Variants in ACO2 observed in about 807,000 individuals in gnomAD.
The protein encoded by ACO2 is aconitase 2.
Under a neutral mutation model 84.5 loss-of-function variants are expected in ACO2, and 31 were observed. The ratio of observed to expected loss-of-function variants is 0.37; its 90% confidence interval spans 0.28 to 0.50. The LOEUF (loss-of-function observed/expected upper bound fraction) is 0.50. Ranked by LOEUF, ACO2 falls within the 20% of genes least tolerant of loss-of-function variation. The pLI is 0.97. For missense variants in ACO2, 685 were observed against 1,029.3 expected, an observed-to-expected ratio of 0.67 and a Z score of 4.58; for synonymous variants, 414 against 412.7, an observed-to-expected ratio of 1.00 and a Z score of -0.04.
intron 1 of ACO2, among the ~76,000 whole-genome samples, chr22:41,496,670 G>T (rs1288509435): frequency 6.6e-6 from 1 of 152,286 alleles, no homozygotes; most frequent in Middle Eastern, 3.4e-3. Context: ...CACTGTGGAA[G>T]GTCCTTTGAT....
At position 41,474,289 on chromosome 22, in the gene ACO2, A is replaced by ATT. The variant is rs755814518; in HGVS notation, c.36+5128_36+5129dup. 1.0e-3 allele frequency among the ~76,000 whole-genome samples: 122 copies of ATT among 119,132 alleles called. 1 individual carries two copies. Among genetic ancestry groups the ATT allele is most frequent in the East Asian group, 3.3e-3 (12 of 3,676 alleles). The allele number at this position is 119,132 out of a possible 152,430, so 78.2% of individuals were successfully genotyped here. On this transcript the variant is annotated intron_variant, in intron 1 of 17. Coordinates refer to ENST00000216254, the MANE Select transcript of ACO2 (RefSeq NM_001098.3). ...ATTCAGTGGTCGTGTGTTTGCAGTC[A>ATT]TTTTTTTTTTTTTTTTTTTTTTGAG...
chr22:41,523,817 T>C lies in ACO2; in HGVS notation c.1371-13T>C. The C allele has an allele frequency of 6.2e-7, 1 of 1,609,922 alleles. No homozygotes were observed. Among genetic ancestry groups the C allele is most frequent in the Non-Finnish European group, 8.5e-7 (1 of 1,178,128 alleles). ...GCCAGATATCCCTAACCCTGATCCCTCTGACCTGGCAGGAAGGACATCAAG... is the reference window on the plus strand; with the variant it reads ...GCCAGATATCCCTAACCCTGATCCCCCTGACCTGGCAGGAAGGACATCAAG... On this transcript the variant is annotated splice_polypyrimidine_tract_variant and intron_variant, in intron 11 of 17. Coordinates refer to ENST00000216254, the MANE Select transcript of ACO2 (RefSeq NM_001098.3).
At chr22:41,523,740 C>A in intron 11 of ACO2, 90 bp from the exon 12 acceptor site, 1 of 1,204,428 alleles carries the variant, frequency 8.3e-7, no homozygotes, top group Non-Finnish European at 1.2e-6. Flanking sequence ...CTAGGCTGGG[C>A]TGCGCCACAG....
intron 1 of ACO2, among the ~76,000 whole-genome samples, chr22:41,497,770 C>G (rs1487550475): frequency 6.6e-6 from 1 of 151,910 alleles, no homozygotes; most frequent in Non-Finnish European, 1.5e-5. Flanking sequence ...GTAGTCCCAG[C>G]TACTTGGGAG....
In ACO2 at chr22:41,523,866, C is replaced by G. The variant is rs770099780; in HGVS notation, c.1407C>G (p.Val469=). ...DIKKGEKNTI[V]TSYNRNFTGR... ...AGAAGGGGGAGAAGAACACAATCGT[C>G]ACCTCCTACAACAGGAACTTCACGG... Residue 469 remains valine (V), a synonymous_variant, in exon 12 of 18, where the codon GTC becomes GTG. Coordinates refer to ENST00000216254, the MANE Select transcript of ACO2 (RefSeq NM_001098.3). 1 of 1,612,304 alleles carries G rather than the reference C, an allele frequency of 6.2e-7. No individual in the cohort carries two copies. The highest frequency in any genetic ancestry group is 8.5e-7 in the Non-Finnish European group (1 of 1,180,016).
intron 1 of ACO2, among the ~76,000 whole-genome samples, chr22:41,474,769 T>A (rs1016172111): frequency 2.6e-5 from 4 of 151,104 alleles, no homozygotes; most frequent in Admixed American, 1.3e-4. Flanking sequence ...TGGCTAATTT[T>A]TTTTTGTATT....
chr22:41,513,415 G>A (rs945064101), intron 4 of ACO2, among the ~76,000 whole-genome samples: 4 of 152,212 alleles, frequency 2.6e-5, no homozygotes, highest in African/African-American at 4.8e-5. Context: ...TTGATGTCAC[G>A]TCTTCAGCAG....
At position 41,499,751 on chromosome 22, in the gene ACO2, A is replaced by G. The variant is rs1331786933; in HGVS notation, c.62A>G (p.His21Arg). 2 of 1,613,508 alleles carry G rather than the reference A, an allele frequency of 1.2e-6. No individual in the cohort carries two copies. The highest frequency in any genetic ancestry group is 1.1e-5 in the South Asian group (1 of 91,072). The change falls in exon 2 of 18, where the codon CAT (histidine) becomes CGT (arginine). Residue 21 changes from histidine to arginine, a missense_variant. Physicochemically the swap from His to Arg is conservative, Grantham distance 29. Around this residue, in one of 5 missense-constraint regions of ACO2, gnomAD observed 98 missense variants for 107.6 expected, o/e 0.91. Transcript: ENST00000216254. ...LQKALGVRQY[H>R]VASVLCQRAK... is the part of the protein sequence containing the mutation. ...AAAGCTCTGGGTGTGCGGCAGTACC[A>G]TGTGGCCTCAGTCCTGTGCCAACGG...
At chr22:41,527,606 G>C in intron 16 of ACO2, 186 bp downstream of exon 16, 1 of 891,428 alleles carries the variant, frequency 1.1e-6, no homozygotes, top group Non-Finnish European at 1.7e-6. Context: ...CCGGCTTCCC[G>C]CAGGCCCTGC....
intron 1 of ACO2, among the ~76,000 whole-genome samples, chr22:41,499,115 A>T (rs1236912023): frequency 1.3e-5 from 2 of 150,848 alleles, no homozygotes; most frequent in Non-Finnish European, 3.0e-5. Context: ...AAAGGAAGGG[A>T]ATTAGGCACC....
At chr22:41,477,129 A>ATTATTTATTTATTTAT (rs141758153) in intron 1 of ACO2, among the ~76,000 whole-genome samples, 1 of 145,720 alleles carries the variant, frequency 6.9e-6, no homozygotes, top group African/African-American at 2.6e-5. Context: ...TGGTTTCCAT[A>ATTATTTATTTATTTAT]TTATTTATTT....
At chr22:41,524,314 A>T (rs1397761381) in intron 12 of ACO2, among the ~76,000 whole-genome samples, 1 of 152,202 alleles carries the variant, frequency 6.6e-6, no homozygotes, top group East Asian at 1.9e-4. Flanking sequence ...TTCCAACCCC[A>T]GGTAGGAGTT....
chr22:41,483,184 C>T (rs2038109911), intron 1 of ACO2, among the ~76,000 whole-genome samples: 1 of 152,156 alleles, frequency 6.6e-6, no homozygotes, highest in Admixed American at 6.5e-5. Flanking sequence ...TTTACAAGGC[C>T]TGAGACGTAG....
chr22:41,519,282 T>C (rs1465616736), intron 8 of ACO2, among the ~76,000 whole-genome samples: 2 of 152,002 alleles, frequency 1.3e-5, no homozygotes, highest in Non-Finnish European at 2.9e-5. Context: ...TCTGCAGGAG[T>C]TCACACCTCG....
rs1371812601 is a variant in ACO2 at position 41,523,006 on chromosome 22, C to G, written c.1296+19C>G. 5.0e-6 allele frequency: 8 copies of G among 1,613,034 alleles called. No individual in the cohort carries two copies. Among genetic ancestry groups the G allele is most frequent in the Non-Finnish European group, 5.9e-6 (7 of 1,179,352 alleles). ...CGGCTATGTGAGTGCCCATATCCCC[C>G]TGCCCATCTCCCCCACCCCATGCTG... is the stretch of plus-strand genomic sequence containing the variant. On this transcript the variant is annotated intron_variant, in intron 10 of 17. Coordinates refer to ENST00000216254, the MANE Select transcript of ACO2 (RefSeq NM_001098.3).
chr22:41,503,438 C>G (rs1057394263), intron 2 of ACO2, among the ~76,000 whole-genome samples: 4 of 152,034 alleles, frequency 2.6e-5, no homozygotes, highest in African/African-American at 9.7e-5. Context: ...TCAAGTGATT[C>G]TCCTGCCTCA....
intron 9 of ACO2, 79 bp downstream of exon 9, chr22:41,520,355 C>T: frequency 8.8e-7 from 1 of 1,139,656 alleles, no homozygotes; most frequent in Non-Finnish European, 1.3e-6. Context: ...ATCACCTATG[C>T]CTACTGTGTG....
At position 41,525,241 on chromosome 22, in the gene ACO2, A is replaced by T. The variant is rs1208628375; in HGVS notation, c.1654A>T (p.Ser552Cys). 1 of 1,614,092 alleles carries T rather than the reference A, an allele frequency of 6.2e-7. No individual in the cohort carries two copies. The highest frequency in any genetic ancestry group is 1.1e-5 in the South Asian group (1 of 91,082). ...CTACCAGCACCCACCCAAGGACAGCAGCGGGCAGCATGTGGACGTGAGCCC... is the reference window on the plus strand; with the variant it reads ...CTACCAGCACCCACCCAAGGACAGCTGCGGGCAGCATGTGGACGTGAGCCC... ...DTYQHPPKDS[S>C]GQHVDVSPTS... Residue 552 changes from serine (S) to cysteine (C), a missense_variant, in exon 14 of 18, where the codon AGC becomes TGC. Ser to Cys is a moderately radical substitution (Grantham distance 112, BLOSUM62 -1). Coordinates refer to ENST00000216254, the MANE Select transcript of ACO2 (RefSeq NM_001098.3).
rs2066566345 is a variant in ACO2 at position 41,524,938 on chromosome 22, G to C, written c.1575G>C (p.Glu525Asp). ...CGGATGGCAAGAAGTTCAGGCTGGA[G>C]GCTCCGGATGCAGATGAGCTTCCCA... ...TGTDGKKFRL[E>D]APDADELPKG... Residue 525 changes from glutamate to aspartate, a missense_variant, in exon 13 of 18, where the codon GAG becomes GAC. By Grantham distance (45) the Glu-to-Asp change is conservative. This residue lies in a region of ACO2 where 311 missense variants were observed against 441.6 expected (regional missense o/e 0.70). Transcript: ENST00000216254. 6.2e-7 allele frequency: 1 copy of C among 1,614,222 alleles called. No homozygotes were observed. The highest frequency in any genetic ancestry group is 1.3e-5 in the African/African-American group (1 of 75,066).
Sources: gnomAD v4.1 joint callset for allele counts (sites outside exome capture counted in the v4.1 genomes callset) on GRCh38, gnomAD v4.1.1 for gene constraint, gnomAD v4.1.1 regional missense constraint, MANE v1.5 for transcripts, NCBI Gene and HGNC (gene_info 2026-07-23, HGNC 2026-07-21) for gene names.